CLCN5: variants seen among roughly 807,000 people sequenced by gnomAD.
CLCN5 encodes H(+)/Cl(-) exchange transporter 5.
A neutral mutation model predicts 54.0 loss-of-function variants in CLCN5; 17 were observed. That is an observed-to-expected ratio of 0.31 (90% CI 0.22 to 0.47). The LOEUF (loss-of-function observed/expected upper bound fraction) is 0.47. Ranked by LOEUF, CLCN5 falls within the 20% of genes least tolerant of loss-of-function variation. CLCN5 has a pLI of 1.00. For synonymous variants in CLCN5, 222 were observed against 233.0 expected (o/e 0.95, Z 0.43); for missense variants, 448 against 646.7 (o/e 0.69, Z 3.33).
intron 3 of CLCN5, among the ~76,000 whole-genome samples, chrX:50,007,443 C>CTG (rs1930253002): frequency 4.4e-5 from 4 of 90,721 alleles, no homozygotes; most frequent in Non-Finnish European, 8.4e-5. Context: ...CTCTCTGTCA[C>CTG]ACACACACAC....
chrX:50,019,468 C>CTTTTTTTTTTTTTT (rs1175073117), intron 3 of CLCN5, among the ~76,000 whole-genome samples: 62 of 47,670 alleles, frequency 1.3e-3, no homozygotes, highest in African/African-American at 4.0e-3. Context: ...TTTTTTTTTT[C>CTTTTTTTTTTTTTT]TTTTTTTTTT....
At chrX:49,955,324 A>G (rs1008217715) in intron 3 of CLCN5, among the ~76,000 whole-genome samples, 1 of 110,317 alleles carries the variant, frequency 9.1e-6, no homozygotes, top group Non-Finnish European at 1.9e-5. Context: ...TCCAACCAGA[A>G]CCCTGAGGAT....
At chrX:50,042,735 A>G (rs992263125) in intron 4 of CLCN5, among the ~76,000 whole-genome samples, 6 of 110,952 alleles carry the variant, frequency 5.4e-5, no homozygotes, top group Non-Finnish European at 1.1e-4. Context: ...TTTCTTTTCA[A>G]TGATGTCATG....
At chrX:49,950,809 G>A (rs1418439082) in intron 3 of CLCN5, among the ~76,000 whole-genome samples, 1 of 111,663 alleles carries the variant, frequency 9.0e-6, no homozygotes, top group East Asian at 2.8e-4. Context: ...ATACAGGCAT[G>A]TAATGCATAG....
intron 3 of CLCN5, among the ~76,000 whole-genome samples, chrX:49,963,799 C>T (rs1557175109): frequency 8.9e-6 from 1 of 111,777 alleles, no homozygotes; most frequent in Non-Finnish European, 1.9e-5. Flanking sequence ...CTTGTTATCA[C>T]TAAGAAGAGC....
At chrX:50,014,315 A>G (rs923462103) in intron 3 of CLCN5, among the ~76,000 whole-genome samples, 3 of 111,598 alleles carry the variant, frequency 2.7e-5, no homozygotes, top group East Asian at 2.8e-4. Flanking sequence ...AGTATTGAGC[A>G]CTTAGTACAT....
At chrX:49,966,951 A>C (rs1601990925) in intron 3 of CLCN5, among the ~76,000 whole-genome samples, 1 of 1,830 alleles carries the variant, frequency 5.5e-4, no homozygotes, top group East Asian at 0.019. Context: ...TGAACTCATC[A>C]TTTTTTATGG....
intron 3 of CLCN5, among the ~76,000 whole-genome samples, chrX:49,981,406 G>A (rs1407715520): frequency 6.3e-5 from 7 of 110,953 alleles, no homozygotes; most frequent in Non-Finnish European, 1.1e-4. Context: ...TTTTTAATCT[G>A]GAAATCCAAC....
chrX:50,095,329 G>A lies in CLCN5; in HGVS notation c.*3110G>A, dbSNP rs1557195422. ...TGATTCGTTATATTGGAGGGAAAAAGCAGGGGACTGATAATACAAAATAAT... is the reference window on the plus strand; with the variant it reads ...TGATTCGTTATATTGGAGGGAAAAAACAGGGGACTGATAATACAAAATAAT... On this transcript the variant is annotated 3_prime_UTR_variant, in exon 15 of 15. Transcript: ENST00000376091. 8.9e-6 allele frequency: 1 copy of A among 112,480 alleles called. No homozygotes were observed. Among genetic ancestry groups the A allele is most frequent in the African/African-American group, 3.2e-5 (1 of 30,979 alleles). 9.3% of individuals were successfully genotyped at this position (112,480 alleles called of 1,213,427 possible).
At position 50,099,067 on chromosome X, in the gene CLCN5, T is replaced by G. The variant is rs1392312803; in HGVS notation, c.*6848T>G. 1.8e-5 allele frequency: 2 copies of G among 112,695 alleles called. No individual in the cohort carries two copies. Among genetic ancestry groups the G allele is most frequent in the Non-Finnish European group, 3.8e-5 (2 of 53,263 alleles). 9.3% of individuals were successfully genotyped at this position (112,695 alleles called of 1,213,427 possible). A position where few individuals can be genotyped will look rare whatever the true frequency, so the allele number is the denominator to read the frequency against. On this transcript the variant is annotated 3_prime_UTR_variant, in exon 15 of 15. Coordinates refer to ENST00000376091, the MANE Select transcript of CLCN5 (RefSeq NM_001127898.4). ...TAAGTGCTATGCAAATTGTAAGAAA[T>G]GGAAACAATCATGTTAAAAGCAATG...
chrX:49,996,393 T>A (rs183098979), intron 3 of CLCN5, among the ~76,000 whole-genome samples: 55 of 111,769 alleles, frequency 4.9e-4, no homozygotes, highest in Middle Eastern at 4.6e-3. Flanking sequence ...TTGATTTCCC[T>A]GGTGCAAATC....
At chrX:50,001,613 C>G (rs1449082613) in intron 3 of CLCN5, among the ~76,000 whole-genome samples, 1 of 68,703 alleles carries the variant, frequency 1.5e-5, no homozygotes, top group African/African-American at 6.1e-5. Flanking sequence ...TATCCCTCCC[C>G]CCTCCCCCCA....
intron 3 of CLCN5, among the ~76,000 whole-genome samples, chrX:49,978,727 T>C (rs186173674): frequency 8.9e-6 from 1 of 112,515 alleles, no homozygotes; most frequent in East Asian, 2.8e-4. Flanking sequence ...TTGAAAATTC[T>C]TACAGAATGA....
At chrX:50,042,166 T>G in intron 3 of CLCN5, 150 bp from the exon 4 acceptor site, 1 of 310,684 alleles carries the variant, frequency 3.2e-6, no homozygotes, top group Non-Finnish European at 5.8e-6. Context: ...GATGAAATAG[T>G]TCTGGAAATG....
intron 3 of CLCN5, among the ~76,000 whole-genome samples, chrX:50,009,524 T>A (rs1930380429): frequency 8.9e-6 from 1 of 111,812 alleles, no homozygotes; most frequent in African/African-American, 3.3e-5. Flanking sequence ...CTCATATCTT[T>A]CATTCTAGTC....
At chrX:49,924,444 C>T (rs1334629566) in intron 2 of CLCN5, among the ~76,000 whole-genome samples, 1 of 112,066 alleles carries the variant, frequency 8.9e-6, no homozygotes, top group African/African-American at 3.2e-5. Flanking sequence ...GGGATTACAC[C>T]GCACCCGGCC....
Position 50,096,390 on chromosome X carries a change from T to A in CLCN5, c.*4171T>A. On this transcript the variant is annotated 3_prime_UTR_variant, in exon 15 of 15. Coordinates refer to ENST00000376091, the MANE Select transcript of CLCN5 (RefSeq NM_001127898.4). ...GCAGTGGCACAATCTCGGCTCACTGTAACCTCTGCCTCCTGCCTCCCGGGT... is the reference window on the plus strand; with the variant it reads ...GCAGTGGCACAATCTCGGCTCACTGAAACCTCTGCCTCCTGCCTCCCGGGT... 1 of 113,855 alleles carries A rather than the reference T, an allele frequency of 8.8e-6. No individual in the cohort carries two copies. 9.4% of individuals were successfully genotyped at this position (113,855 alleles called of 1,213,427 possible).
chrX:50,056,608 G>A (rs1438240870), intron 4 of CLCN5, among the ~76,000 whole-genome samples: 4 of 111,745 alleles, frequency 3.6e-5, no homozygotes, highest in African/African-American at 1.3e-4. Context: ...TGATAACTCT[G>A]TCAGTTAGCA....
intron 3 of CLCN5, among the ~76,000 whole-genome samples, chrX:50,019,512 A>G (rs1930980999): frequency 1.8e-5 from 1 of 56,763 alleles, no homozygotes; most frequent in Non-Finnish European, 3.0e-5. Context: ...GTTTTAGGGT[A>G]CATGTGCACA....
Sources: allele counts gnomAD v4.1 joint callset (sites outside exome capture counted in the v4.1 genomes callset), GRCh38; gene constraint gnomAD v4.1.1; transcripts MANE v1.5; gene names NCBI Gene and HGNC (gene_info 2026-07-23, HGNC 2026-07-21).